KCNMB4: variants seen among roughly 807,000 people sequenced by gnomAD.
KCNMB4 encodes calcium-activated potassium channel subunit beta-4.
Under a neutral mutation model 20.7 loss-of-function variants are expected in KCNMB4, and 3 were observed. The ratio of observed to expected loss-of-function variants is 0.14; its 90% CI spans 0.07 to 0.37. The LOEUF is 0.37. KCNMB4 is among the 10% of genes least tolerant of loss of function. The pLI is 1.00. For missense variants in KCNMB4, 168 were observed against 265.9 expected, an observed-to-expected ratio of 0.63 and a Z score of 2.56; for synonymous variants, 110 against 113.4, an observed-to-expected ratio of 0.97 and a Z score of 0.19.
intron 1 of KCNMB4, among the ~76,000 whole-genome samples, chr12:70,382,955 A>T (rs1883820650): frequency 2.0e-5 from 3 of 152,242 alleles, no homozygotes; most frequent in Admixed American, 1.3e-4. Flanking sequence ...TATATGATAT[A>T]GCCTATTGCT....
intron 2 of KCNMB4, among the ~76,000 whole-genome samples, chr12:70,425,906 A>G (rs1405712873): frequency 1.3e-5 from 2 of 152,198 alleles, no homozygotes; most frequent in African/African-American, 4.8e-5. Context: ...TGGGGGGCCG[A>G]GGCAGGCGGA....
At chr12:70,408,198 C>T (rs768988486) in intron 2 of KCNMB4, among the ~76,000 whole-genome samples, 11 of 152,034 alleles carry the variant, frequency 7.2e-5, no homozygotes, top group African/African-American at 2.7e-4. Flanking sequence ...GGCAGGCGTT[C>T]GGAGTTTGGC....
In KCNMB4 at chr12:70,431,189, T is replaced by TTC. The variant is rs1297661630; in HGVS notation, c.*536_*537insTC. On this transcript the variant is annotated 3_prime_UTR_variant, in exon 3 of 3. Coordinates refer to ENST00000258111, the MANE Select transcript of KCNMB4 (RefSeq NM_014505.6). ...ACCCTCAGTTTCCACTATTAAAGAG[T>TTC]ATCTTTTGACGTCTGCTTGGAAAAT... 1.3e-5 allele frequency: 2 copies of TTC among 152,036 alleles called. No homozygotes were observed. Among genetic ancestry groups the TTC allele is most frequent in the Non-Finnish European group, 2.9e-5 (2 of 68,028 alleles). The allele number at this position is 152,036 out of a possible 1,614,324, so 9.4% of individuals were successfully genotyped here. A position where few individuals can be genotyped will look rare whatever the true frequency, so the allele number is the denominator to read the frequency against.
At chr12:70,399,073 C>G (rs1032878023) in intron 1 of KCNMB4, among the ~76,000 whole-genome samples, 3 of 152,170 alleles carry the variant, frequency 2.0e-5, no homozygotes, top group Non-Finnish European at 2.9e-5. Flanking sequence ...GCAAGTACAT[C>G]CATATGGCTG....
chr12:70,400,186 C>T (rs1188144278), intron 1 of KCNMB4, 23 bp from the exon 2 acceptor site: 4 of 1,540,696 alleles, frequency 2.6e-6, no homozygotes. Context: ...AATAGGTTTA[C>T]TTTCTGTATT....
intron 1 of KCNMB4, among the ~76,000 whole-genome samples, chr12:70,377,952 C>CTT (rs112757781): frequency 5.6e-5 from 8 of 141,756 alleles, no homozygotes; most frequent in African/African-American, 1.8e-4. Context: ...AGCTCTACTT[C>CTT]TTTTTTTTTT....
intron 2 of KCNMB4, among the ~76,000 whole-genome samples, chr12:70,414,082 A>C (rs1300999712): frequency 6.6e-6 from 1 of 152,098 alleles, no homozygotes; most frequent in African/African-American, 2.4e-5. Context: ...AAATACAAAA[A>C]TTAGCCAGGC....
At chr12:70,371,232 G>C (rs1047384102) in intron 1 of KCNMB4, among the ~76,000 whole-genome samples, 77 of 152,218 alleles carry the variant, frequency 5.1e-4, no homozygotes, top group African/African-American at 1.8e-3. Flanking sequence ...AGGATAAAAG[G>C]CTCCTTCTAA....
chr12:70,406,080 T>G (rs571738815), intron 2 of KCNMB4, among the ~76,000 whole-genome samples: 2 of 152,202 alleles, frequency 1.3e-5, no homozygotes, highest in South Asian at 4.2e-4. Context: ...AATAGTCAAA[T>G]TCATAGATTA....
intron 2 of KCNMB4, among the ~76,000 whole-genome samples, chr12:70,421,674 C>G (rs1195141348): frequency 6.6e-6 from 1 of 151,548 alleles, no homozygotes; most frequent in African/African-American, 2.4e-5. Flanking sequence ...CTCCACCTCC[C>G]AAGTTCACGC....
At chr12:70,374,424 A>G in intron 1 of KCNMB4, among the ~76,000 whole-genome samples, 1 of 152,198 alleles carries the variant, frequency 6.6e-6, no homozygotes, top group East Asian at 1.9e-4. Context: ...AATTACTCAC[A>G]GTAAAATACT....
At chr12:70,372,607 G>A (rs1883617897) in intron 1 of KCNMB4, among the ~76,000 whole-genome samples, 1 of 152,222 alleles carries the variant, frequency 6.6e-6, no homozygotes, top group South Asian at 2.1e-4. Flanking sequence ...GGTGCTTTTA[G>A]TGATGGGAAA....
intron 1 of KCNMB4, among the ~76,000 whole-genome samples, chr12:70,384,873 CAAAA>C (rs57306622): frequency 1.3e-5 from 1 of 74,324 alleles, no homozygotes; most frequent in African/African-American, 5.2e-5. Context: ...GACCCTGTCT[CAAAA>C]AAAAAAAAAA....
intron 2 of KCNMB4, among the ~76,000 whole-genome samples, chr12:70,430,003 T>G (rs116025237): frequency 2.0e-5 from 3 of 152,054 alleles, no homozygotes; most frequent in African/African-American, 7.2e-5. Context: ...ACCAGCTGTC[T>G]TTCTGACTAA....
In KCNMB4 at chr12:70,374,544, T is replaced by C. The variant is rs76241297; in HGVS notation, c.336+7474T>C. On this transcript the variant is annotated intron_variant, in intron 1 of 2. Coordinates refer to ENST00000258111, the MANE Select transcript of KCNMB4 (RefSeq NM_014505.6). ...TGTGTAAAAAATTGTACTTGTGAGT[T>C]GTAATATCCTCTTCTATTCTTTTAA... 5.2e-3 allele frequency among the ~76,000 whole-genome samples: 785 copies of C among 152,334 alleles called. 5 individuals are homozygous for C. Among genetic ancestry groups the C allele is most frequent in the African/African-American group, 0.018 (728 of 41,576 alleles).
At chr12:70,371,248 C>T (rs770301225) in intron 1 of KCNMB4, among the ~76,000 whole-genome samples, 9 of 152,088 alleles carry the variant, frequency 5.9e-5, no homozygotes, top group Non-Finnish European at 1.3e-4. Context: ...TCTAAGAAAC[C>T]AGTACTCTAG....
intron 1 of KCNMB4, among the ~76,000 whole-genome samples, chr12:70,370,433 G>T (rs900832451): frequency 6.6e-6 from 1 of 150,714 alleles, no homozygotes; most frequent in Non-Finnish European, 1.5e-5. Context: ...TCAGCCTCCC[G>T]AGTAGCTGGG....
intron 1 of KCNMB4, among the ~76,000 whole-genome samples, chr12:70,380,692 G>C (rs1372056340): frequency 6.6e-6 from 1 of 150,792 alleles, no homozygotes; most frequent in Non-Finnish European, 1.5e-5. Context: ...GTTGATTTTT[G>C]ACAAGAGTGT....
intron 2 of KCNMB4, among the ~76,000 whole-genome samples, chr12:70,401,279 G>C (rs1402368359): frequency 1.3e-5 from 2 of 152,182 alleles, no homozygotes; most frequent in Non-Finnish European, 2.9e-5. Flanking sequence ...GCCTGCCTCA[G>C]CCTCCCAAAG....
Sources: allele counts gnomAD v4.1 joint callset (sites outside exome capture counted in the v4.1 genomes callset), GRCh38; gene constraint gnomAD v4.1.1; transcripts MANE v1.5; gene names NCBI Gene and HGNC (gene_info 2026-07-23, HGNC 2026-07-21).